The following RELN variants were observed in gnomAD, a reference collection of about 807,000 sequenced individuals.
RELN encodes reelin.
RELN carries 108 observed loss-of-function variants against 427.6 expected under a neutral mutation model. That is an observed-to-expected ratio of 0.25 (90% CI 0.22 to 0.30). The LOEUF (loss-of-function observed/expected upper bound fraction) is 0.30, where lower values mean the gene tolerates loss of function less well. Ranked by LOEUF, RELN falls within the 10% of genes least tolerant of loss-of-function variation. RELN has a pLI of 1.00. For synonymous variants in RELN, 1,524 were observed against 1,513.4 expected (o/e 1.01, Z -0.16); for missense variants, 3,715 against 4,302.8 (o/e 0.86, Z 3.82).
At chr7:103,954,134 T>C (rs1256421167) in intron 1 of RELN, among the ~76,000 whole-genome samples, 1 of 151,278 alleles carries the variant, frequency 6.6e-6, no homozygotes, top group Non-Finnish European at 1.5e-5. Context: ...GTGGCAGGCG[T>C]CTGTAATCCC....
At chr7:103,859,417 C>T (rs1419004174) in intron 2 of RELN, among the ~76,000 whole-genome samples, 1 of 152,102 alleles carries the variant, frequency 6.6e-6, no homozygotes, top group Non-Finnish European at 1.5e-5. Context: ...CCTCAGCCTC[C>T]TGAGTAGCTG....
Position 103,650,369 on chromosome 7 carries a change from G to T in RELN, c.1907C>A (p.Thr636Lys). 6.2e-7 allele frequency: 1 copy of T among 1,610,326 alleles called. No homozygotes were observed. Among genetic ancestry groups the T allele is most frequent in the African/African-American group, 1.3e-5 (1 of 74,896 alleles). Residue 636 changes from threonine (T) to lysine (K), a missense_variant, in exon 16 of 65, where the codon ACA becomes AAA. Coordinates refer to ENST00000428762, the MANE Select transcript of RELN (RefSeq NM_005045.4). ...TAGTGCTGCGTTAGGAAGGGGAATT[G>T]TTATTCGGTTCCACCTGCAAGAAAT... ...SENYSGWNRI[T>K]IPLPNAALTR...
At position 103,709,460 on chromosome 7, in the gene RELN, A is replaced by C. The variant is rs555456529; in HGVS notation, c.806-8454T>G. ...CAGAAAACATAATAACCATGTTTTT[A>C]GCCAAACTAAATTCCTGCTTAACTC... On this transcript the variant is annotated intron_variant, in intron 8 of 64. Coordinates refer to ENST00000428762, the MANE Select transcript of RELN (RefSeq NM_005045.4). 2.6e-5 allele frequency among the ~76,000 whole-genome samples: 4 copies of C among 152,350 alleles called. No individual in the cohort carries two copies. In the South Asian group the frequency reaches 8.3e-4, roughly 32 times the overall value.
chr7:103,813,570 A>G (rs572767335), intron 3 of RELN, among the ~76,000 whole-genome samples: 154 of 152,110 alleles, frequency 1.0e-3, no homozygotes, highest in African/African-American at 3.5e-3. Context: ...TTGTACATAC[A>G]TATATATATG....
rs111490597 is a variant in RELN at position 103,699,362 on chromosome 7, T to C, written c.903-1269A>G. Among the ~76,000 whole-genome samples, 476 of 152,304 alleles carry C rather than the reference T, an allele frequency of 3.1e-3. 3 individuals carry two copies. The highest frequency in any genetic ancestry group is 0.011 in the African/African-American group (442 of 41,580). ...TCTTTTCTTTTAAAATATTTCATGATGACTATGCTTTTAGCTTCAAAAAGA... is the reference window on the plus strand; with the variant it reads ...TCTTTTCTTTTAAAATATTTCATGACGACTATGCTTTTAGCTTCAAAAAGA... On this transcript the variant is annotated intron_variant, in intron 9 of 64. Coordinates refer to ENST00000428762, the MANE Select transcript of RELN (RefSeq NM_005045.4).
intron 2 of RELN, among the ~76,000 whole-genome samples, chr7:103,850,439 G>A (rs984710234): frequency 3.9e-5 from 6 of 152,210 alleles, no homozygotes; most frequent in Admixed American, 2.0e-4. Flanking sequence ...CAGCAGAAAA[G>A]CCCTGGGAGC....
At chr7:103,624,242 C>G (rs1027444791) in intron 20 of RELN, among the ~76,000 whole-genome samples, 2 of 152,136 alleles carry the variant, frequency 1.3e-5, no homozygotes, top group African/African-American at 4.8e-5. Flanking sequence ...GAACATGTAG[C>G]ATTTGTCAAT....
chr7:103,884,930 G>C (rs13236829), intron 2 of RELN, among the ~76,000 whole-genome samples: 17,809 of 152,076 alleles, frequency 0.12, 1,109 homozygotes, highest in South Asian at 0.13. Context: ...CCCATCACTC[G>C]GTATATACCC....
intron 3 of RELN, among the ~76,000 whole-genome samples, chr7:103,785,904 T>A (rs986015547): frequency 1.3e-5 from 2 of 151,976 alleles, no homozygotes; most frequent in Middle Eastern, 3.2e-3. Flanking sequence ...AAGCTGTTTT[T>A]GATCTTAAAA....
rs936892186 is a variant in RELN at position 103,565,683 on chromosome 7, A to G, written c.4937-132T>C. ...TCTTTAGTGCCCCCTATGTGCTTTGACTTTTCTTCTTATATTTTCTGCTTC... is the reference window on the plus strand; with the variant it reads ...TCTTTAGTGCCCCCTATGTGCTTTGGCTTTTCTTCTTATATTTTCTGCTTC... On this transcript the variant is annotated intron_variant, in intron 33 of 64. Coordinates refer to ENST00000428762, the MANE Select transcript of RELN (RefSeq NM_005045.4). 25 of 800,922 alleles carry G rather than the reference A, an allele frequency of 3.1e-5. No individual in the cohort carries two copies. In the African/African-American group the frequency reaches 4.4e-4, roughly 14 times the overall value. 49.6% of individuals were successfully genotyped at this position (800,922 alleles called of 1,614,324 possible). A position where few individuals can be genotyped will look rare whatever the true frequency, so the allele number is the denominator to read the frequency against.
At chr7:103,936,099 C>CTTCTT (rs1795976917) in intron 1 of RELN, among the ~76,000 whole-genome samples, 1 of 143,004 alleles carries the variant, frequency 7.0e-6, no homozygotes, top group Non-Finnish European at 1.5e-5. Context: ...GCTTCAATGG[C>CTTCTT]TTTTTTTTTT....
intron 4 of RELN, among the ~76,000 whole-genome samples, chr7:103,765,635 T>C (rs570676752): frequency 6.6e-5 from 10 of 152,322 alleles, no homozygotes; most frequent in African/African-American, 2.2e-4. Context: ...ATTATGTATG[T>C]TTGTAACAGC....
intron 2 of RELN, among the ~76,000 whole-genome samples, chr7:103,874,299 G>A (rs1286571203): frequency 1.6e-5 from 2 of 125,776 alleles, no homozygotes; most frequent in Non-Finnish European, 3.4e-5. Flanking sequence ...ACTGGCACAA[G>A]ACAGGGATGT....
chr7:103,685,995 C>T (rs1023841522), intron 10 of RELN, among the ~76,000 whole-genome samples: 2 of 152,132 alleles, frequency 1.3e-5, no homozygotes, highest in African/African-American at 4.8e-5. Flanking sequence ...CTTACATTTG[C>T]CTCTACCATT....
At chr7:103,950,930 TG>T (rs1006218267) in intron 1 of RELN, among the ~76,000 whole-genome samples, 12 of 151,962 alleles carry the variant, frequency 7.9e-5, no homozygotes, top group African/African-American at 2.4e-5. Context: ...TTTTTGACAT[TG>T]TTGTTGTTGT....
At position 103,522,293 on chromosome 7, in the gene RELN, C is replaced by A. The variant is rs1042886062; in HGVS notation, c.7491-94G>T. ...AGTGAAGACTACTCTTTTCCTAGTC[C>A]AAGATGATGAAAAGTTACTGATTTT... On this transcript the variant is annotated intron_variant, in intron 47 of 64. Coordinates refer to ENST00000428762, the MANE Select transcript of RELN (RefSeq NM_005045.4). The A allele has an allele frequency of 5.6e-6, 7 of 1,244,530 alleles. No individual in the cohort carries two copies. In the African/African-American group the frequency reaches 1.0e-4, roughly 18 times the overall value. 77.1% of individuals were successfully genotyped at this position (1,244,530 alleles called of 1,614,324 possible). A position where few individuals can be genotyped will look rare whatever the true frequency, so the allele number is the denominator to read the frequency against.
intron 4 of RELN, 139 bp downstream of exon 4, chr7:103,776,418 G>T: frequency 1.2e-6 from 1 of 811,460 alleles, no homozygotes; most frequent in Non-Finnish European, 2.1e-6. Flanking sequence ...ATAACTATTA[G>T]TGATACGAAG....
At chr7:103,704,433 TC>T (rs1834157572) in intron 8 of RELN, among the ~76,000 whole-genome samples, 1 of 152,114 alleles carries the variant, frequency 6.6e-6, no homozygotes. Context: ...AATGCCCTCA[TC>T]TTTCACCACA....
intron 1 of RELN, among the ~76,000 whole-genome samples, chr7:103,958,269 C>T (rs1453978533): frequency 6.6e-6 from 1 of 152,186 alleles, no homozygotes; most frequent in Non-Finnish European, 1.5e-5. Flanking sequence ...CAGTGACAGC[C>T]ATCGTTCTGA....
Sources: gnomAD v4.1 joint callset for allele counts (sites outside exome capture counted in the v4.1 genomes callset) on GRCh38, gnomAD v4.1.1 for gene constraint, MANE v1.5 for transcripts, NCBI Gene and HGNC (gene_info 2026-07-23, HGNC 2026-07-21) for gene names.